Variants in CAMKMT observed in about 807,000 individuals in gnomAD.
CAMKMT encodes the protein calmodulin-lysine N-methyltransferase.
A neutral mutation model predicts 48.0 loss-of-function variants in CAMKMT; 53 were observed. The observed-to-expected ratio is 1.10, with a 90% CI of 0.89 to 1.39. The LOEUF is 1.39. Ranked by LOEUF, CAMKMT falls within the 40% of genes most tolerant of loss-of-function variation. CAMKMT has a pLI of 0.00. For missense variants in CAMKMT, 428 were observed against 402.7 expected (o/e 1.06, Z -0.54); for synonymous variants, 165 against 152.3 (o/e 1.08, Z -0.61).
At chr2:44,694,818 T>C (rs1008421145) in intron 3 of CAMKMT, among the ~76,000 whole-genome samples, 4 of 152,214 alleles carry the variant, frequency 2.6e-5, no homozygotes. Context: ...ACCATAGATA[T>C]GCAAGTATAG....
chr2:44,494,738 A>T (rs1326102605), intron 3 of CAMKMT, among the ~76,000 whole-genome samples: 2 of 152,234 alleles, frequency 1.3e-5, no homozygotes, highest in Admixed American at 1.3e-4. Context: ...GAGAGACTCC[A>T]TTATGACAGA....
chr2:44,542,129 C>G (rs916778922), intron 3 of CAMKMT, among the ~76,000 whole-genome samples: 2 of 99,196 alleles, frequency 2.0e-5, no homozygotes, highest in African/African-American at 7.6e-5. Flanking sequence ...AACTCTGTCT[C>G]AAAAAAAAAA....
At chr2:44,652,395 A>T (rs1009084742) in intron 3 of CAMKMT, among the ~76,000 whole-genome samples, 2 of 152,156 alleles carry the variant, frequency 1.3e-5, no homozygotes, top group Non-Finnish European at 2.9e-5. Context: ...CATGTTTCCT[A>T]GGCTTGCTGA....
At chr2:44,679,717 T>A (rs1317376782) in intron 3 of CAMKMT, among the ~76,000 whole-genome samples, 1 of 152,194 alleles carries the variant, frequency 6.6e-6, no homozygotes, top group East Asian at 1.9e-4. Flanking sequence ...GTAAACGAGG[T>A]GTGCTATTTC....
At chr2:44,392,929 C>G (rs1484775897) in intron 3 of CAMKMT, among the ~76,000 whole-genome samples, 2 of 151,910 alleles carry the variant, frequency 1.3e-5, no homozygotes, top group Non-Finnish European at 2.9e-5. Context: ...ATGGAATTAT[C>G]TATTTATTTT....
At chr2:44,462,908 A>G (rs1667922868) in intron 3 of CAMKMT, among the ~76,000 whole-genome samples, 1 of 152,152 alleles carries the variant, frequency 6.6e-6, no homozygotes, top group Non-Finnish European at 1.5e-5. Flanking sequence ...TGCTGATTGC[A>G]TCCCCATATT....
At chr2:44,612,956 C>T (rs1294407082) in intron 3 of CAMKMT, among the ~76,000 whole-genome samples, 2 of 152,140 alleles carry the variant, frequency 1.3e-5, no homozygotes, top group East Asian at 1.9e-4. Context: ...TCTACAATTT[C>T]TGTTGTCTGC....
intron 3 of CAMKMT, among the ~76,000 whole-genome samples, chr2:44,520,783 A>G (rs1005621639): frequency 6.6e-6 from 1 of 152,150 alleles, no homozygotes; most frequent in Admixed American, 6.5e-5. Context: ...AGGTAATTGG[A>G]TCATGGGGGC....
chr2:44,412,209 T>C (rs1164123657), intron 3 of CAMKMT, among the ~76,000 whole-genome samples: 1 of 152,150 alleles, frequency 6.6e-6, no homozygotes, highest in Non-Finnish European at 1.5e-5. Context: ...ATTTATTCTG[T>C]ACACCCCCTG....
At chr2:44,704,441 G>T in intron 4 of CAMKMT, 98 bp downstream of exon 4, 1 of 785,626 alleles carries the variant, frequency 1.3e-6, no homozygotes, top group Non-Finnish European at 1.9e-6. Context: ...TAAATTGTTA[G>T]AAAAAAATAT....
chr2:44,667,797 C>A (rs757028173), intron 3 of CAMKMT, among the ~76,000 whole-genome samples: 10 of 152,200 alleles, frequency 6.6e-5, no homozygotes, highest in Non-Finnish European at 1.5e-4. Flanking sequence ...TCCACTCCAA[C>A]AGTGTTTCAT....
intron 7 of CAMKMT, among the ~76,000 whole-genome samples, chr2:44,736,615 TCTC>T (rs1378023014): frequency 6.6e-6 from 1 of 152,198 alleles, no homozygotes; most frequent in Admixed American, 6.5e-5. Context: ...TTGTCTCCCT[TCTC>T]CTATTTTTTG....
intron 3 of CAMKMT, among the ~76,000 whole-genome samples, chr2:44,602,430 T>C (rs547109363): frequency 4.5e-4 from 69 of 152,244 alleles, no homozygotes; most frequent in Non-Finnish European, 6.9e-4. Context: ...ACAACAAAAA[T>C]GTTAAAATAA....
chr2:44,706,749 G>A (rs930395347), intron 5 of CAMKMT, among the ~76,000 whole-genome samples: 2 of 151,774 alleles, frequency 1.3e-5, no homozygotes, highest in Admixed American at 6.6e-5. Flanking sequence ...GATCCAGAGC[G>A]CTCAGTAATT....
At chr2:44,438,079 T>C (rs759434706) in intron 3 of CAMKMT, among the ~76,000 whole-genome samples, 1 of 152,134 alleles carries the variant, frequency 6.6e-6, no homozygotes, top group Non-Finnish European at 1.5e-5. Flanking sequence ...TTGAGAAAGG[T>C]ACTTATAGCC....
intron 3 of CAMKMT, among the ~76,000 whole-genome samples, chr2:44,425,595 G>A (rs187119598): frequency 2.0e-4 from 31 of 151,716 alleles, no homozygotes; most frequent in African/African-American, 7.5e-4. Flanking sequence ...TTTCTTTTTT[G>A]TAACATACAA....
chr2:44,503,000 A>G (rs1670080886), intron 3 of CAMKMT, among the ~76,000 whole-genome samples: 1 of 152,082 alleles, frequency 6.6e-6, no homozygotes, highest in African/African-American at 2.4e-5. Flanking sequence ...CAGTTTTATT[A>G]GCATATATTA....
intron 3 of CAMKMT, among the ~76,000 whole-genome samples, chr2:44,431,514 G>A (rs943885554): frequency 1.3e-5 from 2 of 151,846 alleles, no homozygotes; most frequent in Non-Finnish European, 2.9e-5. Context: ...TACTGTAGAG[G>A]TAACATCAGT....
chr2:44,607,742 A>G (rs1671365640), intron 3 of CAMKMT, among the ~76,000 whole-genome samples: 1 of 152,194 alleles, frequency 6.6e-6, no homozygotes, highest in African/African-American at 2.4e-5. Context: ...ATTTCTGCAT[A>G]TGTAATTATA....
Sources: gnomAD v4.1 joint callset for allele counts (sites outside exome capture counted in the v4.1 genomes callset) on GRCh38, gnomAD v4.1.1 for gene constraint, MANE v1.5 for transcripts, NCBI Gene and HGNC (gene_info 2026-07-23, HGNC 2026-07-21) for gene names.